The following CLEC4D variants were observed in gnomAD, a reference collection of about 807,000 sequenced individuals.
CLEC4D encodes C-type lectin domain family 4 member D.
A neutral mutation model predicts 21.1 loss-of-function variants in CLEC4D; 21 were observed. That is an observed-to-expected ratio of 1.00 (90% CI 0.71 to 1.43). CLEC4D has a LOEUF of 1.43. Ranked by LOEUF, CLEC4D falls within the 40% of genes most tolerant of loss-of-function variation. The pLI is 0.00. For missense variants in CLEC4D, 289 were observed against 260.7 expected (o/e 1.11, Z -0.75); for synonymous variants, 85 against 83.1 (o/e 1.02, Z -0.12).
rs1940441471 is a variant in CLEC4D, at chr12:8,520,263, A to G, written c.422A>G (p.Tyr141Cys). 1 of 1,613,850 alleles carries G rather than the reference A, an allele frequency of 6.2e-7. No individual in the cohort carries two copies. The highest frequency in any genetic ancestry group is 8.5e-7 in the Non-Finnish European group (1 of 1,179,902). ...IIQFLDRRLSYFLGLRDENAK... is the reference protein window; with the variant it reads ...IIQFLDRRLSCFLGLRDENAK... Reference sequence around the variant, plus strand: ...CAGTTTCTGGATAGACGGCTTTCCTATTTCCTTGGACTTAGAGATGAGAAT... The same window carrying G: ...CAGTTTCTGGATAGACGGCTTTCCTGTTTCCTTGGACTTAGAGATGAGAAT... The change falls in exon 5 of 6, where the codon TAT (tyrosine) becomes TGT (cysteine). Residue 141 changes from tyrosine to cysteine, a missense_variant. Transcript: ENST00000299665.
the CLEC4D span, among the ~76,000 whole-genome samples, chr12:8,531,651 A>AT: frequency 1.1e-4 from 16 of 152,168 alleles, no homozygotes; most frequent in African/African-American, 3.9e-4. Flanking sequence ...GTGTACAATT[A>AT]TTATGTGTCA....
intron 1 of CLEC4D, among the ~76,000 whole-genome samples, chr12:8,514,569 A>G (rs945265124): frequency 6.6e-6 from 1 of 152,164 alleles, no homozygotes; most frequent in Non-Finnish European, 1.5e-5. Context: ...AAATGGATAA[A>G]TGCCACTAAA....
chr12:8,517,347 G>T (rs1201124627), intron 2 of CLEC4D, among the ~76,000 whole-genome samples: 1 of 151,208 alleles, frequency 6.6e-6, no homozygotes, highest in Non-Finnish European at 1.5e-5. Flanking sequence ...TGTGCACAAC[G>T]TGCAGGTTAG....
chr12:8,516,221 TAAAC>T (rs1277584544), intron 2 of CLEC4D, among the ~76,000 whole-genome samples: 1 of 152,102 alleles, frequency 6.6e-6, no homozygotes, highest in East Asian at 1.9e-4. Flanking sequence ...AACGATTTCT[TAAAC>T]AAGCCACAAA....
rs369634533 is a variant in CLEC4D at position 8,519,045 on chromosome 12, C to T, written c.269C>T (p.Ala90Val). 1 of 1,614,082 alleles carries T rather than the reference C, an allele frequency of 6.2e-7. No homozygotes were observed. The highest frequency in any genetic ancestry group is 8.5e-7 in the Non-Finnish European group (1 of 1,179,986). The change falls in exon 4 of 6, where the codon GCC (alanine) becomes GTC (valine). Residue 90 changes from alanine (A) to valine (V), a missense_variant. Transcript: ENST00000299665. ...TWNCCPIDWR[A>V]FQSNCYFPLT... ...AACTGTTGTCCTATTGACTGGAGAG[C>T]CTTCCAGTCCAACTGCTATTTTCCT...
At chr12:8,518,397 C>G (rs143359694) in intron 3 of CLEC4D, 123 bp downstream of exon 3, 3 of 575,326 alleles carry the variant, frequency 5.2e-6, no homozygotes, top group Non-Finnish European at 9.6e-6. Flanking sequence ...AATCTGGCAT[C>G]GGAGTAAATA....
At chr12:8,523,354 G>A (rs1193618605), downstream of CLEC4D, among the ~76,000 whole-genome samples, 1 of 152,114 alleles carries the variant, frequency 6.6e-6, no homozygotes, top group Non-Finnish European at 1.5e-5. Flanking sequence ...CCATTTGTTT[G>A]TGTCCTGTCT....
At chr12:8,527,438 CT>C in the CLEC4D span, among the ~76,000 whole-genome samples, 22 of 152,290 alleles carry the variant, frequency 1.4e-4, no homozygotes, top group Admixed American at 9.2e-4. Context: ...CTGAGGAAGG[CT>C]GTGTCAAGGT....
Position 8,517,830 on chromosome 12 carries a change from C to T in CLEC4D, c.122-334C>T, listed in dbSNP as rs578014932. On this transcript the variant is annotated intron_variant, in intron 2 of 5. Transcript: ENST00000299665. ...ACGTGGTGGCGGGCGCCTGTAGTCC[C>T]AGCTACTCGGGAGGCTGAGGCAGGA... Among the ~76,000 whole-genome samples the T allele has an allele frequency of 5.9e-5, 9 of 152,014 alleles. 1 individual carries two copies. The highest frequency in any genetic ancestry group is 1.5e-5 in the Non-Finnish European group (1 of 67,992).
chr12:8,518,337 G>A, intron 3 of CLEC4D, 63 bp downstream of exon 3: 1 of 760,432 alleles, frequency 1.3e-6, no homozygotes. Flanking sequence ...TAGTCTGACT[G>A]AAGGAATGTC....
At position 8,521,605 on chromosome 12, in the gene CLEC4D, A is replaced by G. The variant is rs1316779220; in HGVS notation, c.*334A>G. ...GCGTGAATAATGCAATCTCTTTGTC[A>G]TTTTTCCCCTTCTCAGACTCTTAGC... is the stretch of plus-strand genomic sequence containing the variant. On this transcript the variant is annotated 3_prime_UTR_variant, in exon 6 of 6. Transcript: ENST00000299665. 5 of 183,104 alleles carry G rather than the reference A, an allele frequency of 2.7e-5. No individual in the cohort carries two copies. The East Asian group carries it at 4.8e-4, about 18-fold the overall frequency. The allele number at this position is 183,104 out of a possible 1,614,324, so 11.3% of individuals were successfully genotyped here. A position where few individuals can be genotyped will look rare whatever the true frequency, so the allele number is the denominator to read the frequency against.
rs1940407488 is a variant in CLEC4D, at chr12:8,518,204, A to G, written c.162A>G (p.Gly54=). The part of the protein sequence containing the change: ...HNFSRCKRGT[G]VHKLEHHAKL... ...TTTCACGCTGTAAGAGAGGCACAGGAGTGCACAAGTTAGAGCACCATGCAA... is the reference window on the plus strand; with the variant it reads ...TTTCACGCTGTAAGAGAGGCACAGGGGTGCACAAGTTAGAGCACCATGCAA... Residue 54 remains glycine (G), a synonymous_variant, in exon 3 of 6, where the codon GGA becomes GGG. Transcript: ENST00000299665. 1 of 1,421,538 alleles carries G rather than the reference A, an allele frequency of 7.0e-7. No homozygotes were observed. Among genetic ancestry groups the G allele is most frequent in the African/African-American group, 1.4e-5 (1 of 71,566 alleles). The allele number at this position is 1,421,538 out of a possible 1,614,324, so 88.1% of individuals were successfully genotyped here. A position where few individuals can be genotyped will look rare whatever the true frequency, so the allele number is the denominator to read the frequency against.
In CLEC4D at chr12:8,517,787, A is replaced by G. The variant is rs181183515; in HGVS notation, c.122-377A>G. Among the ~76,000 whole-genome samples, 7 of 152,124 alleles carry G rather than the reference A, an allele frequency of 4.6e-5. No homozygotes were observed. In the East Asian group the frequency reaches 1.2e-3, roughly 25 times the overall value. ...AGGTGAAACCCCGTCTCTACTAAAA[A>G]CAGAAAAAATTAGCCGGACGTGGTG... On this transcript the variant is annotated intron_variant, in intron 2 of 5. Coordinates refer to ENST00000299665, the MANE Select transcript of CLEC4D (RefSeq NM_080387.5).
chr12:8,525,011 GA>G (rs1940495994), downstream of CLEC4D, among the ~76,000 whole-genome samples: 2 of 152,180 alleles, frequency 1.3e-5, no homozygotes, highest in Admixed American at 1.3e-4. Context: ...GTGTGTTTTT[GA>G]GTGATTTTCT....
intron 2 of CLEC4D, among the ~76,000 whole-genome samples, chr12:8,516,633 CTCT>C (rs1940385239): frequency 6.6e-6 from 1 of 152,194 alleles, no homozygotes; most frequent in Non-Finnish European, 1.5e-5. Context: ...GCAAATGGAC[CTCT>C]AGTGAATTGC....
chr12:8,519,687 G>A (rs1251052074), intron 4 of CLEC4D, among the ~76,000 whole-genome samples: 2 of 152,204 alleles, frequency 1.3e-5, no homozygotes, highest in Non-Finnish European at 1.5e-5. Flanking sequence ...TAATTCAGAT[G>A]TATGGATCTA....
intron 2 of CLEC4D, among the ~76,000 whole-genome samples, chr12:8,517,637 CA>C (rs1170145108): frequency 1.3e-5 from 2 of 152,064 alleles, no homozygotes; most frequent in African/African-American, 4.8e-5. Flanking sequence ...TAAAAGTTTG[CA>C]AAACTTCTCC....
At chr12:8,519,680 T>G (rs1345577335) in intron 4 of CLEC4D, among the ~76,000 whole-genome samples, 1 of 152,218 alleles carries the variant, frequency 6.6e-6, no homozygotes. Context: ...GGAAAACTAA[T>G]TCAGATGTAT....
chr12:8,528,431 A>C, the CLEC4D span, among the ~76,000 whole-genome samples: 24 of 152,198 alleles, frequency 1.6e-4, 2 homozygotes, highest in South Asian at 2.5e-3. Flanking sequence ...TAAGAAATAA[A>C]TTTCTTTTCT....
Sources: allele counts gnomAD v4.1 joint callset (sites outside exome capture counted in the v4.1 genomes callset), GRCh38; gene constraint gnomAD v4.1.1; transcripts MANE v1.5; gene names NCBI Gene and HGNC (gene_info 2026-07-23, HGNC 2026-07-21).